RBFOX1: variants seen among roughly 807,000 people sequenced by gnomAD.
RBFOX1 encodes the protein RNA binding fox-1 homolog 1, also known as RNA binding protein fox-1 homolog 1.
In RBFOX1, 8 loss-of-function variants were observed where a neutral mutation model predicts 57.7. That is an observed-to-expected ratio of 0.14 (90% confidence interval 0.08 to 0.25). The LOEUF (loss-of-function observed/expected upper bound fraction) is 0.25, where lower values mean the gene tolerates loss of function less well. Among genes scored for constraint, RBFOX1 ranks in the 10% least tolerant of loss-of-function variants. The pLI is 1.00. For missense variants in RBFOX1, 611 were observed against 548.5 expected (o/e 1.11, Z -1.14); for synonymous variants, 326 against 222.4 (o/e 1.47, Z -4.15).
intron 3 of RBFOX1, among the ~76,000 whole-genome samples, chr16:6,822,694 G>A (rs1009641048): frequency 6.6e-6 from 1 of 152,152 alleles, no homozygotes; most frequent in African/African-American, 2.4e-5. Context: ...TGTTTTTAAA[G>A]ATCCAAGCTC....
intron 2 of RBFOX1, among the ~76,000 whole-genome samples, chr16:6,413,364 C>T (rs943949869): frequency 1.1e-4 from 16 of 151,162 alleles, no homozygotes; most frequent in Admixed American, 4.0e-4. Context: ...GGGTCTTGCT[C>T]TGTTGCCTTA....
At chr16:6,193,022 T>C (rs1187533859) in intron 1 of RBFOX1, among the ~76,000 whole-genome samples, 1 of 152,118 alleles carries the variant, frequency 6.6e-6, no homozygotes, top group Admixed American at 6.6e-5. Flanking sequence ...ATAATGAGAA[T>C]GTTTATCTTT....
At chr16:7,031,918 C>T (rs866543969) in intron 3 of RBFOX1, among the ~76,000 whole-genome samples, 13 of 152,174 alleles carry the variant, frequency 8.5e-5, no homozygotes, top group Middle Eastern at 3.4e-3. Flanking sequence ...ATTACGGAGG[C>T]CCTGCTTTCT....
intron 4 of RBFOX1, among the ~76,000 whole-genome samples, chr16:5,899,912 A>G (rs1383106843): frequency 2.0e-5 from 3 of 152,156 alleles, no homozygotes; most frequent in Non-Finnish European, 4.4e-5. Context: ...TGTCTCTACA[A>G]AAATACAAAA....
At chr16:7,064,318 G>A (rs999585124) in intron 4 of RBFOX1, among the ~76,000 whole-genome samples, 12 of 151,872 alleles carry the variant, frequency 7.9e-5, no homozygotes, top group African/African-American at 2.9e-4. Context: ...ACAGGCACCC[G>A]CCACCATACC....
At chr16:6,639,152 T>C (rs1234405305) in intron 2 of RBFOX1, among the ~76,000 whole-genome samples, 1 of 152,186 alleles carries the variant, frequency 6.6e-6, no homozygotes, top group Non-Finnish European at 1.5e-5. Context: ...AATGATAAAT[T>C]TTTTTCAAAT....
intron 3 of RBFOX1, among the ~76,000 whole-genome samples, chr16:6,881,844 A>G (rs2063000604): frequency 7.1e-6 from 1 of 141,678 alleles, no homozygotes. Flanking sequence ...AGAGCAGGAA[A>G]CTGAGGCTGA....
intron 5 of RBFOX1, among the ~76,000 whole-genome samples, chr16:7,554,334 C>G (rs1486795690): frequency 1.3e-5 from 2 of 152,182 alleles, no homozygotes; most frequent in African/African-American, 4.8e-5. Flanking sequence ...TTATTTTATC[C>G]TTACAGCAAT....
At position 6,939,439 on chromosome 16, in the gene RBFOX1, T is replaced by C. The variant is rs554916484; in HGVS notation, c.-15-112618T>C. Among the ~76,000 whole-genome samples the C allele has an allele frequency of 6.6e-5, 10 of 152,120 alleles. No individual in the cohort carries two copies. The South Asian group carries it at 1.9e-3, about 28-fold the overall frequency. ...TGTAGCTATATATAGTAGACATCTG[T>C]TTTTATCTGGGTTAATGAATGTGCT... On this transcript the variant is annotated intron_variant, in intron 3 of 15. Transcript: ENST00000550418.
chr16:5,475,999 G>C lies in RBFOX1; in HGVS notation c.258+8745G>C, dbSNP rs2069308459. ...TCAGAATTACTGCTGCCAAGTGTAC[G>C]TGGCTTTGAAAAATGTATTTATACC... On this transcript the variant is annotated intron_variant, in intron 2 of 2. Coordinates refer to the RBFOX1 transcript ENST00000585867. Among the ~76,000 whole-genome samples the C allele has an allele frequency of 2.6e-5, 4 of 151,966 alleles. 2 individuals are homozygous for C. In the South Asian group the frequency reaches 8.3e-4, roughly 32 times the overall value.
chr16:6,193,660 C>G (rs530088459), intron 1 of RBFOX1, among the ~76,000 whole-genome samples: 1 of 151,804 alleles, frequency 6.6e-6, no homozygotes, highest in South Asian at 2.1e-4. Flanking sequence ...GCAGTAAATG[C>G]TAAACATTTT....
At chr16:5,767,754 A>T (rs1471437297) in intron 3 of RBFOX1, among the ~76,000 whole-genome samples, 4 of 152,178 alleles carry the variant, frequency 2.6e-5, no homozygotes, top group African/African-American at 9.6e-5. Flanking sequence ...AGATATTTAA[A>T]GACCCTCATT....
At chr16:5,832,561 A>T (rs117135215) in intron 3 of RBFOX1, among the ~76,000 whole-genome samples, 1,832 of 150,540 alleles carry the variant, frequency 0.012, 20 homozygotes, top group Non-Finnish European at 0.019. Flanking sequence ...AATATAACAC[A>T]TGTTAGCTGT....
intron 1 of RBFOX1, among the ~76,000 whole-genome samples, chr16:5,425,017 C>G (rs934343820): frequency 1.1e-4 from 11 of 102,554 alleles, no homozygotes; most frequent in African/African-American, 3.4e-4. Flanking sequence ...TCTTTTCTTT[C>G]TTGATTCCTC....
rs498387 is a variant in RBFOX1 at position 5,382,341 on chromosome 16, A to G, written c.220-84875A>G. Among the ~76,000 whole-genome samples the G allele has an allele frequency of 2.0e-3, 308 of 152,022 alleles. 1 individual carries two copies. The highest frequency in any genetic ancestry group is 7.1e-3 in the African/African-American group (295 of 41,450). On this transcript the variant is annotated intron_variant, in intron 1 of 2. Coordinates refer to the RBFOX1 transcript ENST00000585867. ...TTTGAAAACTATTCGGGCTGATATT[A>G]TGTATTACCACTTGTTTGCATTTAG...
chr16:6,426,675 A>G (rs1474429019), intron 2 of RBFOX1, among the ~76,000 whole-genome samples: 3 of 152,200 alleles, frequency 2.0e-5, no homozygotes, highest in African/African-American at 7.2e-5. Context: ...ACACCTCAGA[A>G]AGACCGGCAG....
intron 1 of RBFOX1, among the ~76,000 whole-genome samples, chr16:5,401,770 C>CCTCCTCCTT (rs1239191368): frequency 6.9e-6 from 1 of 145,448 alleles, no homozygotes; most frequent in Non-Finnish European, 1.5e-5. Flanking sequence ...TCTCTCTCCT[C>CCTCCTCCTT]CTCCTCCTCC....
At chr16:5,564,320 GGA>G (rs2045987657) in intron 2 of RBFOX1, among the ~76,000 whole-genome samples, 1 of 152,044 alleles carries the variant, frequency 6.6e-6, no homozygotes, top group Non-Finnish European at 1.5e-5. Context: ...ACCCAATTGA[GGA>G]GAGAGTTTCT....
At chr16:6,845,959 T>G (rs7194057) in intron 3 of RBFOX1, among the ~76,000 whole-genome samples, 1 of 151,804 alleles carries the variant, frequency 6.6e-6, no homozygotes, top group Non-Finnish European at 1.5e-5. Flanking sequence ...GCTTCTTCCT[T>G]AGGTGTTACT....
Sources: gnomAD v4.1 joint callset for allele counts (sites outside exome capture counted in the v4.1 genomes callset) on GRCh38, gnomAD v4.1.1 for gene constraint, MANE v1.5 for transcripts, NCBI Gene and HGNC (gene_info 2026-07-23, HGNC 2026-07-21) for gene names.